SLC24A2: variants seen among roughly 807,000 people sequenced by gnomAD.
SLC24A2 encodes the protein sodium/potassium/calcium exchanger 2.
A neutral mutation model predicts 62.0 loss-of-function variants in SLC24A2; 36 were observed. The ratio of observed to expected loss-of-function variants is 0.58; its 90% CI spans 0.44 to 0.77. The LOEUF (loss-of-function observed/expected upper bound fraction) is 0.77, where lower values mean the gene tolerates loss of function less well. Among genes scored for constraint, SLC24A2 ranks in the 30% least tolerant of loss-of-function variants. The probability of loss-of-function intolerance (pLI) is 0.00; values close to 1 mark genes in which losing one functional copy is unlikely to be tolerated. For missense variants in SLC24A2, 846 were observed against 817.9 expected (o/e 1.03, Z -0.42); for synonymous variants, 358 against 294.0 (o/e 1.22, Z -2.23).
chr9:20,054,090 T>C, the SLC24A2 span, among the ~76,000 whole-genome samples: 14 of 152,196 alleles, frequency 9.2e-5, no homozygotes, highest in African/African-American at 2.4e-4. Flanking sequence ...TTAATTTCAA[T>C]AGTCTTGGGG....
chr9:19,963,394 T>C, the SLC24A2 span, among the ~76,000 whole-genome samples: 92 of 151,018 alleles, frequency 6.1e-4, no homozygotes, highest in Admixed American at 6.1e-3. Context: ...AAAGAGCTTC[T>C]GCACAGCAAA....
the SLC24A2 span, among the ~76,000 whole-genome samples, chr9:20,060,395 A>G: frequency 6.6e-6 from 1 of 152,144 alleles, no homozygotes; most frequent in African/African-American, 2.4e-5. Flanking sequence ...AGATGCAAAA[A>G]TCCTTAAAAT....
chr9:20,262,921 C>T, the SLC24A2 span, among the ~76,000 whole-genome samples: 2 of 152,016 alleles, frequency 1.3e-5, no homozygotes, highest in African/African-American at 4.8e-5. Context: ...AGAACAGGAA[C>T]CATGGTGTTT....
the SLC24A2 span, among the ~76,000 whole-genome samples, chr9:20,285,496 G>C: frequency 2.0e-5 from 3 of 152,130 alleles, no homozygotes; most frequent in Non-Finnish European, 4.4e-5. Flanking sequence ...CAATTCCAAG[G>C]CATCAAGCAG....
intron 1 of SLC24A2, among the ~76,000 whole-genome samples, chr9:19,788,369 A>T (rs1053543063): frequency 6.6e-6 from 1 of 152,188 alleles, no homozygotes; most frequent in African/African-American, 2.4e-5. Context: ...AGTCATCTCC[A>T]GCCCGATCCT....
the SLC24A2 span, among the ~76,000 whole-genome samples, chr9:20,045,185 C>T: frequency 6.6e-6 from 1 of 152,138 alleles, no homozygotes; most frequent in Non-Finnish European, 1.5e-5. Context: ...CTGTGCCAGG[C>T]ACTGTGTATA....
At chr9:19,975,028 C>T in the SLC24A2 span, among the ~76,000 whole-genome samples, 1 of 152,106 alleles carries the variant, frequency 6.6e-6, no homozygotes, top group African/African-American at 2.4e-5. Flanking sequence ...AGCAGGTTTC[C>T]CATAAGTTTT....
At chr9:19,923,646 A>G in the SLC24A2 span, among the ~76,000 whole-genome samples, 4,166 of 152,366 alleles carry the variant, frequency 0.027, 75 homozygotes, top group Non-Finnish European at 0.043. Flanking sequence ...GTTGAAGAAC[A>G]TATGAAATGG....
chr9:20,151,784 CT>C, the SLC24A2 span, among the ~76,000 whole-genome samples: 1 of 151,722 alleles, frequency 6.6e-6, no homozygotes, highest in Non-Finnish European at 1.5e-5. Context: ...TCACTTTCAT[CT>C]TTTGCTAAAG....
chr9:19,740,163 C>CA (rs373645866), intron 2 of SLC24A2, among the ~76,000 whole-genome samples: 4 of 151,508 alleles, frequency 2.6e-5, no homozygotes, highest in African/African-American at 9.7e-5. Flanking sequence ...TTGAAAAATT[C>CA]TTAGGCAGTA....
chr9:19,984,501 T>C, the SLC24A2 span, among the ~76,000 whole-genome samples: 2 of 151,524 alleles, frequency 1.3e-5, no homozygotes. Flanking sequence ...AGGTCAGGAG[T>C]TCAAGACCAG....
At chr9:20,090,452 G>A in the SLC24A2 span, among the ~76,000 whole-genome samples, 1 of 152,170 alleles carries the variant, frequency 6.6e-6, no homozygotes, top group Non-Finnish European at 1.5e-5. Context: ...AGCATTGAGA[G>A]GGAGCACGAT....
At chr9:19,551,031 C>G (rs1834816635) in intron 7 of SLC24A2, among the ~76,000 whole-genome samples, 1 of 152,140 alleles carries the variant, frequency 6.6e-6, no homozygotes, top group Admixed American at 6.5e-5. Context: ...TTGTTGCTAG[C>G]TACGGTCACC....
the SLC24A2 span, among the ~76,000 whole-genome samples, chr9:19,893,445 T>C: frequency 2.0e-5 from 3 of 152,182 alleles, no homozygotes; most frequent in Non-Finnish European, 4.4e-5. Context: ...TGTTGGGGAA[T>C]AGGAGTTTTT....
At chr9:20,174,127 T>C in the SLC24A2 span, among the ~76,000 whole-genome samples, 1 of 152,104 alleles carries the variant, frequency 6.6e-6, no homozygotes, top group East Asian at 1.9e-4. Context: ...CAAATGATGC[T>C]GGATAATTGG....
chr9:20,297,905 T>C, the SLC24A2 span, among the ~76,000 whole-genome samples: 25 of 152,330 alleles, frequency 1.6e-4, no homozygotes, highest in African/African-American at 4.1e-4. Flanking sequence ...GAGCAATCTG[T>C]GCAGACATGT....
At chr9:20,113,847 T>C in the SLC24A2 span, among the ~76,000 whole-genome samples, 1 of 152,120 alleles carries the variant, frequency 6.6e-6, no homozygotes, top group African/African-American at 2.4e-5. Flanking sequence ...GCATTCAGAT[T>C]TACATTTCCA....
chr9:19,571,633 G>C (rs1835840710), intron 7 of SLC24A2, among the ~76,000 whole-genome samples: 1 of 152,164 alleles, frequency 6.6e-6, no homozygotes, highest in Non-Finnish European at 1.5e-5. Flanking sequence ...GACAAATTCA[G>C]AATGTGAATT....
intron 2 of SLC24A2, among the ~76,000 whole-genome samples, chr9:19,657,352 T>A (rs1423245836): frequency 9.9e-5 from 15 of 152,176 alleles, no homozygotes; most frequent in Admixed American, 9.8e-4. Flanking sequence ...TACTCACAGT[T>A]CTCTGTGTAT....
Sources: allele counts gnomAD v4.1 joint callset (sites outside exome capture counted in the v4.1 genomes callset), GRCh38; gene constraint gnomAD v4.1.1; transcripts MANE v1.5; gene names NCBI Gene and HGNC (gene_info 2026-07-23, HGNC 2026-07-21).